GRM7: variants seen among roughly 807,000 people sequenced by gnomAD.
GRM7 encodes the protein metabotropic glutamate receptor 7.
In GRM7, 35 loss-of-function variants were observed where a neutral mutation model predicts 84.5. The observed-to-expected ratio is 0.41, with a 90% CI of 0.32 to 0.55. The LOEUF (loss-of-function observed/expected upper bound fraction) is 0.55. GRM7 is among the 20% of genes least tolerant of loss of function. The pLI is 0.19. For synonymous variants in GRM7, 487 were observed against 455.1 expected (o/e 1.07, Z -0.89); for missense variants, 1,003 against 1,194.6 (o/e 0.84, Z 2.36).
chr3:7,722,409 G>A (rs1701981720), intron 9 of GRM7, among the ~76,000 whole-genome samples: 1 of 150,888 alleles, frequency 6.6e-6, no homozygotes, highest in African/African-American at 2.4e-5. Flanking sequence ...AAAGTAACTT[G>A]GCCAGGGTCA....
intron 2 of GRM7, among the ~76,000 whole-genome samples, chr3:7,153,094 A>G (rs994219816): frequency 2.0e-5 from 3 of 151,564 alleles, no homozygotes; most frequent in Admixed American, 2.0e-4. Flanking sequence ...CCTCTTTCAG[A>G]AGAAACTGCA....
At chr3:7,163,439 A>C (rs1190997565) in intron 2 of GRM7, among the ~76,000 whole-genome samples, 1 of 152,194 alleles carries the variant, frequency 6.6e-6, no homozygotes, top group Non-Finnish European at 1.5e-5. Flanking sequence ...AGAAAGAGAA[A>C]AATTTTTATT....
At chr3:7,549,979 A>G (rs1471949604) in intron 7 of GRM7, among the ~76,000 whole-genome samples, 1 of 152,148 alleles carries the variant, frequency 6.6e-6, no homozygotes, top group African/African-American at 2.4e-5. Flanking sequence ...CTCTTTTTAT[A>G]TATCCTTCCA....
intron 8 of GRM7, among the ~76,000 whole-genome samples, chr3:7,646,240 G>A (rs929717572): frequency 2.6e-5 from 4 of 152,108 alleles, no homozygotes; most frequent in Non-Finnish European, 5.9e-5. Flanking sequence ...TGCCCAGGCT[G>A]GAGTAAAGTG....
At chr3:7,003,410 G>T (rs1383633035) in intron 1 of GRM7, among the ~76,000 whole-genome samples, 1 of 145,142 alleles carries the variant, frequency 6.9e-6, no homozygotes. Context: ...GTATTTTTTT[G>T]TAAAAAAAAA....
intron 4 of GRM7, among the ~76,000 whole-genome samples, chr3:7,412,949 T>C (rs1040285093): frequency 6.6e-6 from 1 of 151,996 alleles, no homozygotes; most frequent in Non-Finnish European, 1.5e-5. Flanking sequence ...TTCTTGGCTC[T>C]AGTAGAAAGT....
intron 4 of GRM7, among the ~76,000 whole-genome samples, chr3:7,409,429 CT>C (rs1004375548): frequency 3.3e-5 from 5 of 150,138 alleles, no homozygotes; most frequent in African/African-American, 9.9e-5. Context: ...TGTTCTCTCT[CT>C]TTTTTTGGGG....
chr3:7,705,958 TA>T, intron 9 of GRM7, among the ~76,000 whole-genome samples: 1 of 152,292 alleles, frequency 6.6e-6, no homozygotes, highest in Middle Eastern at 3.4e-3. Flanking sequence ...AAATATTTCA[TA>T]AGTTGAGGTA....
At chr3:6,893,634 A>C (rs539894506) in intron 1 of GRM7, among the ~76,000 whole-genome samples, 1 of 152,320 alleles carries the variant, frequency 6.6e-6, no homozygotes, top group East Asian at 1.9e-4. Context: ...TCAGCATTTG[A>C]AATACAGTCA....
intron 1 of GRM7, among the ~76,000 whole-genome samples, chr3:7,100,997 C>G (rs1346862372): frequency 6.6e-6 from 1 of 151,688 alleles, no homozygotes; most frequent in African/African-American, 2.4e-5. Flanking sequence ...TATCCATTCT[C>G]CAGTTGATGG....
At chr3:7,489,381 A>C (rs1048262756) in intron 7 of GRM7, among the ~76,000 whole-genome samples, 2 of 152,158 alleles carry the variant, frequency 1.3e-5, no homozygotes, top group East Asian at 1.9e-4. Flanking sequence ...TGGGATACAC[A>C]TTGTTATTTC....
At chr3:7,629,967 C>T (rs541044533) in intron 8 of GRM7, among the ~76,000 whole-genome samples, 2 of 152,086 alleles carry the variant, frequency 1.3e-5, no homozygotes, top group African/African-American at 2.4e-5. Context: ...TAACACATAC[C>T]TCTTTGGCTT....
intron 1 of GRM7, among the ~76,000 whole-genome samples, chr3:7,126,596 G>C (rs369162371): frequency 4.6e-5 from 7 of 152,278 alleles, no homozygotes; most frequent in African/African-American, 1.4e-4. Flanking sequence ...CCTGGGCTAT[G>C]TGGGGTGAGG....
intron 1 of GRM7, among the ~76,000 whole-genome samples, chr3:7,081,537 C>G (rs953567487): frequency 2.0e-5 from 3 of 151,926 alleles, no homozygotes; most frequent in Non-Finnish European, 2.9e-5. Context: ...GAAGAGAGAC[C>G]AGTTAATAAC....
At chr3:7,040,386 C>T (rs1240431) in intron 1 of GRM7, among the ~76,000 whole-genome samples, 101,460 of 151,746 alleles carry the variant, frequency 0.67, 35,103 homozygotes, top group African/African-American at 0.86. Flanking sequence ...CACTGTAACC[C>T]CTGCCTCCTG....
intron 7 of GRM7, among the ~76,000 whole-genome samples, chr3:7,527,739 G>T (rs968857625): frequency 4.6e-5 from 7 of 152,006 alleles, no homozygotes; most frequent in African/African-American, 1.7e-4. Context: ...ATCATGAAAA[G>T]ATGTTGAATG....
intron 4 of GRM7, among the ~76,000 whole-genome samples, chr3:7,398,546 C>T (rs1006798802): frequency 6.6e-6 from 1 of 151,700 alleles, no homozygotes; most frequent in South Asian, 2.1e-4. Flanking sequence ...TGGTAGCCTA[C>T]GTATGGAAAA....
chr3:7,726,024 A>G (rs1486861346), intron 9 of GRM7, among the ~76,000 whole-genome samples: 1 of 152,204 alleles, frequency 6.6e-6, no homozygotes, highest in Non-Finnish European at 1.5e-5. Context: ...TGGGGGAAAA[A>G]TGAAGACTAG....
chr3:6,982,947 T>C (rs941716300), intron 1 of GRM7, among the ~76,000 whole-genome samples: 31 of 152,206 alleles, frequency 2.0e-4, no homozygotes, highest in African/African-American at 7.5e-4. Flanking sequence ...AGCACTCACG[T>C]TGAGAATTTT....
Sources: gnomAD v4.1 joint callset for allele counts (sites outside exome capture counted in the v4.1 genomes callset) on GRCh38, gnomAD v4.1.1 for gene constraint, MANE v1.5 for transcripts, NCBI Gene and HGNC (gene_info 2026-07-23, HGNC 2026-07-21) for gene names.